Variants in TSC22D1 observed in about 807,000 individuals in gnomAD.
TSC22D1 encodes the protein TSC22 domain family member 1, also known as TSC22 domain family protein 1.
A neutral mutation model predicts 74.2 loss-of-function variants in TSC22D1; 9 were observed. The observed-to-expected ratio is 0.12, with a 90% CI of 0.07 to 0.21. The LOEUF (loss-of-function observed/expected upper bound fraction) is 0.21, where lower values mean the gene tolerates loss of function less well. TSC22D1 is among the 10% of genes least tolerant of loss of function. The pLI, the probability that TSC22D1 is intolerant of heterozygous loss-of-function variation, is 1.00. For missense variants in TSC22D1, 1,427 were observed against 1,304.7 expected, an observed-to-expected ratio of 1.09 and a Z score of -1.44; for synonymous variants, 586 against 492.5, an observed-to-expected ratio of 1.19 and a Z score of -2.51.
intron 1 of TSC22D1, among the ~76,000 whole-genome samples, chr13:44,493,347 A>G (rs1878811988): frequency 1.3e-5 from 2 of 152,182 alleles, no homozygotes; most frequent in Admixed American, 6.5e-5. Context: ...TTATCTGGGG[A>G]CAACCTTCAG....
At chr13:44,487,181 A>C (rs780765937) in intron 1 of TSC22D1, among the ~76,000 whole-genome samples, 1 of 152,098 alleles carries the variant, frequency 6.6e-6, no homozygotes, top group Non-Finnish European at 1.5e-5. Flanking sequence ...CCTTTAAACC[A>C]AAATCAGAAA....
rs1157932026 is a variant in TSC22D1 at position 44,574,772 on chromosome 13, C to T, written c.1303G>A (p.Ala435Thr). ...TCTEFYEKEN[A>T]VPATEGVLIN... is the part of the protein sequence containing the mutation. ...AGCACACCTTCTGTAGCAGGTACAG[C>T]ATTTTCTTTTTCATAGAACTCAGTG... Residue 435 changes from alanine to threonine, a missense_variant, in exon 1 of 3, where the codon GCT becomes ACT. Transcript: ENST00000458659. The T allele has an allele frequency of 3.1e-6, 5 of 1,613,934 alleles. No individual in the cohort carries two copies. In the African/African-American group the frequency reaches 6.7e-5, roughly 22 times the overall value.
At position 44,434,203 on chromosome 13, in the gene TSC22D1, G is replaced by A. The variant is rs993462531; in HGVS notation, c.*423C>T. Reference sequence around the variant, plus strand: ...TCCTTTCAAGTTCCTCCTGGGGGGAGGAGAGGAGAGAGGCGAGTCCAGTGA... The same window carrying A: ...TCCTTTCAAGTTCCTCCTGGGGGGAAGAGAGGAGAGAGGCGAGTCCAGTGA... On this transcript the variant is annotated 3_prime_UTR_variant, in exon 3 of 3. Transcript: ENST00000458659. 11 of 1,450,304 alleles carry A rather than the reference G, an allele frequency of 7.6e-6. No individual in the cohort carries two copies. Among genetic ancestry groups the A allele is most frequent in the East Asian group, 2.6e-5 (1 of 37,968 alleles). The allele number at this position is 1,450,304 out of a possible 1,614,324, so 89.8% of individuals were successfully genotyped here. A position where few individuals can be genotyped will look rare whatever the true frequency, so the allele number is the denominator to read the frequency against.
In TSC22D1 at chr13:44,574,356, A is replaced by C; in HGVS notation, c.1719T>G (p.Ala573=). ...QPVPLQATMS[A]ATGIQPSPVN... ...CAGGCGATGGCTGGATACCAGTTGC[A>C]GCACTCATAGTGGCTTGCAGAGGTA... The change falls in exon 1 of 3, where the codon GCT becomes GCG. Residue 573 remains alanine, a synonymous_variant. Transcript: ENST00000458659. 2 of 1,614,260 alleles carry C rather than the reference A, an allele frequency of 1.2e-6. No individual in the cohort carries two copies. The highest frequency in any genetic ancestry group is 1.7e-6 in the Non-Finnish European group (2 of 1,180,038).
intron 1 of TSC22D1, among the ~76,000 whole-genome samples, chr13:44,468,075 C>G (rs1877398840): frequency 6.6e-6 from 1 of 152,020 alleles, no homozygotes; most frequent in African/African-American, 2.4e-5. Flanking sequence ...TTTGCAGCAA[C>G]TTGGACAGAA....
In TSC22D1 at chr13:44,573,583, G is replaced by T. The variant is rs773183866; in HGVS notation, c.2492C>A (p.Ser831Tyr). 1 of 1,614,248 alleles carries T rather than the reference G, an allele frequency of 6.2e-7. No individual in the cohort carries two copies. Among genetic ancestry groups the T allele is most frequent in the Admixed American group, 1.7e-5 (1 of 60,030 alleles). ...AGTTGAACTAACCTGACTTGTAACA[G>T]AAATACTACTAGCAGAGGGCAAAGA... is the stretch of plus-strand genomic sequence containing the variant. ...VSSLPSASSI[S>Y]VTSQVSSTGP... The change falls in exon 1 of 3, where the codon TCT becomes TAT. Residue 831 changes from serine to tyrosine, a missense_variant. By Grantham distance (144) the Ser-to-Tyr change is moderately radical. Transcript: ENST00000458659.
At chr13:44,446,295 A>G (rs1017570130) in intron 1 of TSC22D1, among the ~76,000 whole-genome samples, 2 of 152,222 alleles carry the variant, frequency 1.3e-5, no homozygotes, top group Non-Finnish European at 2.9e-5. Context: ...TTTATGAGAC[A>G]TTCTAGAGTA....
At chr13:44,452,169 T>G (rs866982862) in intron 1 of TSC22D1, among the ~76,000 whole-genome samples, 4 of 152,010 alleles carry the variant, frequency 2.6e-5, no homozygotes, top group Admixed American at 6.6e-5. Flanking sequence ...CCAAATGAGG[T>G]TAAGTAACGA....
intron 1 of TSC22D1, among the ~76,000 whole-genome samples, chr13:44,463,140 TGATTA>T (rs982632193): frequency 1.9e-4 from 29 of 152,178 alleles, no homozygotes; most frequent in African/African-American, 5.8e-4. Context: ...CTCATGTGTT[TGATTA>T]AAGGGATCAG....
At chr13:44,517,851 A>ATTT (rs1566149903) in intron 1 of TSC22D1, among the ~76,000 whole-genome samples, 2 of 21,782 alleles carry the variant, frequency 9.2e-5, no homozygotes, top group Non-Finnish European at 1.6e-4. Flanking sequence ...ATATATATAT[A>ATTT]TATATATTTT....
chr13:44,575,700 G>C lies in TSC22D1; in HGVS notation c.375C>G (p.Ile125Met). The change falls in exon 1 of 3, where the codon ATC becomes ATG. Residue 125 changes from isoleucine to methionine, a missense_variant. Transcript: ENST00000458659. ...CCTCTGCTATACTGTTGTTAGAGCT[G>C]ATACTAGCGGAGATCTGAGCAGGAG... is the stretch of plus-strand genomic sequence containing the variant. ...SVTPAQISAS[I>M]SSNNSIAEDT... 1 of 1,614,228 alleles carries C rather than the reference G, an allele frequency of 6.2e-7. No individual in the cohort carries two copies. Among genetic ancestry groups the C allele is most frequent in the Non-Finnish European group, 8.5e-7 (1 of 1,180,046 alleles).
intron 1 of TSC22D1, among the ~76,000 whole-genome samples, chr13:44,545,582 G>GA (rs199880936): frequency 0.044 from 5,183 of 116,794 alleles, 272 homozygotes; most frequent in African/African-American, 0.14. Context: ...ATAAGGTACT[G>GA]AAAAAAAAAA....
intron 1 of TSC22D1, among the ~76,000 whole-genome samples, chr13:44,534,580 A>G (rs1295279363): frequency 6.6e-6 from 1 of 152,126 alleles, no homozygotes; most frequent in African/African-American, 2.4e-5. Context: ...TATTATCCTA[A>G]CACAACCCTT....
chr13:44,494,268 T>C (rs1233795190), intron 1 of TSC22D1, among the ~76,000 whole-genome samples: 1 of 145,878 alleles, frequency 6.9e-6, no homozygotes, highest in Non-Finnish European at 1.5e-5. Flanking sequence ...CCCAGGTACT[T>C]GGGAGGCTGA....
intron 1 of TSC22D1, among the ~76,000 whole-genome samples, chr13:44,463,695 G>T (rs1361738913): frequency 2.6e-5 from 4 of 152,092 alleles, no homozygotes; most frequent in Non-Finnish European, 5.9e-5. Flanking sequence ...TTGCTCTAAA[G>T]ATATAATAAA....
intron 1 of TSC22D1, among the ~76,000 whole-genome samples, chr13:44,487,560 T>C (rs1477099826): frequency 2.0e-5 from 3 of 149,194 alleles, no homozygotes; most frequent in Non-Finnish European, 4.5e-5. Context: ...CCATTCCTTT[T>C]ATGAACAATG....
chr13:44,449,889 T>C (rs932659021), intron 1 of TSC22D1, among the ~76,000 whole-genome samples: 5 of 152,174 alleles, frequency 3.3e-5, no homozygotes, highest in South Asian at 4.1e-4. Flanking sequence ...TTACTCGCAT[T>C]TATTTAACAG....
intron 1 of TSC22D1, among the ~76,000 whole-genome samples, chr13:44,565,187 C>T (rs1292558991): frequency 6.6e-6 from 1 of 152,074 alleles, no homozygotes; most frequent in African/African-American, 2.4e-5. Context: ...TCTTTACAGC[C>T]ATGGGAACCA....
intron 1 of TSC22D1, among the ~76,000 whole-genome samples, chr13:44,567,245 T>C (rs111594841): frequency 1.4e-3 from 214 of 152,310 alleles, no homozygotes; most frequent in African/African-American, 4.8e-3. Context: ...AGAGCCTTCT[T>C]ATAGGGATCT....
Sources: gnomAD v4.1 joint callset for allele counts (sites outside exome capture counted in the v4.1 genomes callset) on GRCh38, gnomAD v4.1.1 for gene constraint, MANE v1.5 for transcripts, NCBI Gene and HGNC (gene_info 2026-07-23, HGNC 2026-07-21) for gene names.